The following SNX29 variants were observed in gnomAD, a reference collection of about 807,000 sequenced individuals.
The protein encoded by SNX29 is sorting nexin 29.
Under a neutral mutation model 102.1 loss-of-function variants are expected in SNX29, and 78 were observed. That is an observed-to-expected ratio of 0.76 (90% CI 0.64 to 0.92). The LOEUF is 0.92. SNX29 is among the 40% of genes least tolerant of loss of function. The pLI, the probability that SNX29 is intolerant of heterozygous loss-of-function variation, is 0.00. For synonymous variants in SNX29, 580 were observed against 414.5 expected (o/e 1.40, Z -4.85); for missense variants, 1,280 against 1,061.7 (o/e 1.21, Z -2.86).
chr16:11,984,178 C>A (rs554983226), intron 1 of SNX29, among the ~76,000 whole-genome samples: 224 of 152,028 alleles, frequency 1.5e-3, no homozygotes, highest in Non-Finnish European at 2.6e-3. Context: ...CATAGTGGGA[C>A]CCGTCTGCCG....
chr16:12,362,549 G>GCCCCCCC (rs1555519655), intron 16 of SNX29, among the ~76,000 whole-genome samples: 1 of 59,594 alleles, frequency 1.7e-5, no homozygotes, highest in African/African-American at 7.2e-5. Context: ...TTTGGCTGCT[G>GCCCCCCC]CACTCCCCCC....
At chr16:12,262,286 G>T (rs955391405) in intron 14 of SNX29, among the ~76,000 whole-genome samples, 2 of 152,194 alleles carry the variant, frequency 1.3e-5, no homozygotes, top group Non-Finnish European at 2.9e-5. Context: ...GATAAATGAG[G>T]AGACCCAGGC....
intron 20 of SNX29, among the ~76,000 whole-genome samples, chr16:12,540,201 A>G (rs1012304625): frequency 6.6e-6 from 1 of 152,052 alleles, no homozygotes; most frequent in African/African-American, 2.4e-5. Context: ...AGGTCCAAGG[A>G]TTGGGTCAAG....
intron 18 of SNX29, among the ~76,000 whole-genome samples, chr16:12,442,832 C>T (rs566345970): frequency 1.2e-4 from 18 of 152,226 alleles, no homozygotes; most frequent in African/African-American, 3.6e-4. Flanking sequence ...GGGCTCAAGC[C>T]GTCCTCCCAT....
At chr16:12,099,617 G>A (rs2052923207) in intron 11 of SNX29, among the ~76,000 whole-genome samples, 1 of 152,132 alleles carries the variant, frequency 6.6e-6, no homozygotes, top group Non-Finnish European at 1.5e-5. Context: ...GAGTCCTGTC[G>A]GCCTCCAGAA....
chr16:12,166,263 TG>T (rs1375431760), intron 13 of SNX29, among the ~76,000 whole-genome samples: 1 of 152,122 alleles, frequency 6.6e-6, no homozygotes, highest in African/African-American at 2.4e-5. Flanking sequence ...GTAGGGCTCT[TG>T]TGGAAGAGCA....
chr16:12,554,458 C>G (rs548917041), intron 20 of SNX29, among the ~76,000 whole-genome samples: 2 of 152,352 alleles, frequency 1.3e-5, no homozygotes, highest in South Asian at 4.1e-4. Context: ...CATGCCAGGT[C>G]CATGGGTCCT....
At chr16:12,292,841 T>G (rs761170855) in intron 15 of SNX29, among the ~76,000 whole-genome samples, 1 of 152,256 alleles carries the variant, frequency 6.6e-6, no homozygotes. Flanking sequence ...CAAGGCACAG[T>G]GGCTCTAGTG....
intron 15 of SNX29, among the ~76,000 whole-genome samples, chr16:12,340,690 G>T (rs925890600): frequency 6.6e-6 from 1 of 152,130 alleles, no homozygotes; most frequent in African/African-American, 2.4e-5. Context: ...GGGACCAGAA[G>T]GGACGATCTC....
intron 3 of SNX29, among the ~76,000 whole-genome samples, chr16:12,008,079 GA>G (rs937213429): frequency 1.1e-3 from 169 of 152,224 alleles, no homozygotes; most frequent in African/African-American, 3.9e-3. Flanking sequence ...ATGTAGCTGG[GA>G]CTACAGACGC....
intron 18 of SNX29, among the ~76,000 whole-genome samples, chr16:12,413,585 G>T (rs56218252): frequency 0.46 from 70,147 of 151,544 alleles, 17,885 homozygotes; most frequent in Non-Finnish European, 0.58. Flanking sequence ...CAGGGCCCTC[G>T]AGACAATGGC....
chr16:12,567,034 T>C (rs1392834413), intron 20 of SNX29, among the ~76,000 whole-genome samples: 1 of 152,240 alleles, frequency 6.6e-6, no homozygotes, highest in East Asian at 1.9e-4. Flanking sequence ...GATTCACTCC[T>C]GAGATACATG....
chr16:12,059,903 T>C (rs1349899270), intron 8 of SNX29, among the ~76,000 whole-genome samples: 2 of 152,228 alleles, frequency 1.3e-5, no homozygotes, highest in East Asian at 3.8e-4. Flanking sequence ...TTCTGTTGCT[T>C]AGTGCTGATG....
At chr16:12,373,885 T>C (rs921568101) in intron 16 of SNX29, 5 of 152,258 alleles carry the variant, frequency 3.3e-5, no homozygotes, top group Admixed American at 6.5e-5. Flanking sequence ...CTGTCAAATA[T>C]AAAGAGATAT....
chr16:12,053,616 A>G (rs979276198), intron 8 of SNX29, among the ~76,000 whole-genome samples: 1 of 152,132 alleles, frequency 6.6e-6, no homozygotes, highest in East Asian at 1.9e-4. Context: ...AGGCTGCAGT[A>G]TACCCTTAGC....
In SNX29 at chr16:12,477,827, A is replaced by G. The variant is rs768338353; in HGVS notation, c.2146A>G (p.Asn716Asp). Residue 716 changes from asparagine (N) to aspartate (D), a missense_variant, in exon 19 of 21, where the codon AAC (asparagine) becomes GAC (aspartate). By Grantham distance (23) the Asn-to-Asp change is conservative (BLOSUM62 1). Transcript: ENST00000566228. ...QNKYPQVRAYNFPPKKAIGNK... is the reference protein window; with the variant it reads ...QNKYPQVRAYDFPPKKAIGNK... ...CAAGTACCCTCAAGTGAGGGCCTACAACTTCCCACCCAAAAAGGCCATTGG... is the reference window on the plus strand; with the variant it reads ...CAAGTACCCTCAAGTGAGGGCCTACGACTTCCCACCCAAAAAGGCCATTGG... 2 of 1,611,232 alleles carry G rather than the reference A, an allele frequency of 1.2e-6. No homozygotes were observed. The highest frequency in any genetic ancestry group is 1.6e-4 in the Middle Eastern group (1 of 6,072).
intron 15 of SNX29, among the ~76,000 whole-genome samples, chr16:12,295,554 T>C (rs970289916): frequency 2.0e-5 from 3 of 152,194 alleles, no homozygotes; most frequent in Admixed American, 2.0e-4. Context: ...GAGCTGAATA[T>C]ACCCTGTTTC....
intron 15 of SNX29, among the ~76,000 whole-genome samples, chr16:12,306,967 AAG>A (rs2080357201): frequency 6.6e-6 from 1 of 152,148 alleles, no homozygotes; most frequent in Non-Finnish European, 1.5e-5. Context: ...TGTGCAGGGA[AAG>A]GGTGTGAGGG....
At chr16:12,248,749 C>T (rs749480806) in intron 14 of SNX29, among the ~76,000 whole-genome samples, 234 of 151,892 alleles carry the variant, frequency 1.5e-3, no homozygotes, top group Non-Finnish European at 2.9e-3. Flanking sequence ...ATCAGGAGGT[C>T]ATTTTATCTA....
Sources: gnomAD v4.1 joint callset for allele counts (sites outside exome capture counted in the v4.1 genomes callset) on GRCh38, gnomAD v4.1.1 for gene constraint, MANE v1.5 for transcripts, NCBI Gene and HGNC (gene_info 2026-07-23, HGNC 2026-07-21) for gene names.